Variants in LONRF1 observed in about 807,000 individuals in gnomAD.
LONRF1 encodes the protein LON peptidase N-terminal domain and RING finger protein 1.
LONRF1 carries 37 observed loss-of-function variants against 85.8 expected under a neutral mutation model. That is an observed-to-expected ratio of 0.43 (90% CI 0.33 to 0.57). The LOEUF is 0.57. LONRF1 is among the 20% of genes least tolerant of loss of function. The probability of loss-of-function intolerance (pLI) is 0.04; values close to 1 mark genes in which losing one functional copy is unlikely to be tolerated. For synonymous variants in LONRF1, 517 were observed against 390.1 expected (o/e 1.33, Z -3.83); for missense variants, 1,036 against 978.0 (o/e 1.06, Z -0.79).
chr8:12,752,596 T>C (rs974799791), intron 1 of LONRF1, among the ~76,000 whole-genome samples: 7 of 152,234 alleles, frequency 4.6e-5, no homozygotes, highest in African/African-American at 1.7e-4. Flanking sequence ...AATCCTCATG[T>C]GCAATCTATG....
intron 3 of LONRF1, among the ~76,000 whole-genome samples, chr8:12,739,495 A>G (rs1294022184): frequency 6.6e-6 from 1 of 152,278 alleles, no homozygotes; most frequent in African/African-American, 2.4e-5. Flanking sequence ...ATTTACTGGA[A>G]AGGAGATGAA....
chr8:12,723,471 A>AGGCTCTTATGTG (rs1441656510), intron 11 of LONRF1, among the ~76,000 whole-genome samples: 1 of 152,220 alleles, frequency 6.6e-6, no homozygotes. Context: ...TATGTGGCAG[A>AGGCTCTTATGTG]GCCGAGATTC....
chr8:12,736,611 T>A (rs981756022), intron 6 of LONRF1, 90 bp downstream of exon 6: 1 of 883,628 alleles, frequency 1.1e-6, no homozygotes, highest in African/African-American at 1.8e-5. Context: ...ATTGTGTTAC[T>A]TTACATTGTC....
chr8:12,724,576 T>C (rs770326184), intron 11 of LONRF1, among the ~76,000 whole-genome samples: 1 of 152,144 alleles, frequency 6.6e-6, no homozygotes, highest in South Asian at 2.1e-4. Context: ...TGCTTTTGCT[T>C]TCCTGCCCAA....
At position 12,725,710 on chromosome 8, in the gene LONRF1, C is replaced by G; in HGVS notation, c.2163+17G>C. 3 of 1,594,448 alleles carry G rather than the reference C, an allele frequency of 1.9e-6. No individual in the cohort carries two copies. Among genetic ancestry groups the G allele is most frequent in the East Asian group, 4.5e-5 (2 of 44,484 alleles). ...TATAAAAAAGTGACTTTTGGAAGAA[C>G]AGAAAAGCCACCATACCTGAAGGTT... is the stretch of plus-strand genomic sequence containing the variant. On this transcript the variant is annotated intron_variant, in intron 11 of 11. Transcript: ENST00000398246.
At chr8:12,730,776 ATCTT>A (rs1383148836) in intron 8 of LONRF1, among the ~76,000 whole-genome samples, 2 of 152,174 alleles carry the variant, frequency 1.3e-5, no homozygotes, top group Admixed American at 6.5e-5. Flanking sequence ...AAGAGTGGAA[ATCTT>A]TCTTCTGTGG....
intron 11 of LONRF1, among the ~76,000 whole-genome samples, chr8:12,723,717 C>T (rs1185577632): frequency 1.3e-5 from 2 of 152,246 alleles, no homozygotes; most frequent in African/African-American, 4.8e-5. Context: ...GCCAAATATC[C>T]TGTGGGGGCA....
rs527482681 is a variant in LONRF1, at chr8:12,755,123, G to A, written c.298C>T (p.Arg100Cys). The change falls in exon 1 of 12, where the codon CGC becomes TGC. Residue 100 changes from arginine (R) to cysteine (C), a missense_variant. This residue lies in a region of LONRF1 where 742 missense variants were observed against 614.4 expected (regional missense o/e 1.21). Coordinates refer to ENST00000398246, the MANE Select transcript of LONRF1 (RefSeq NM_152271.5). ...GCCGCGCTCCAGCCCAGCCCGTGGCGGAGCCGGTAGTTGAACACCAGGCAG... is the reference window on the plus strand; with the variant it reads ...GCCGCGCTCCAGCCCAGCCCGTGGCAGAGCCGGTAGTTGAACACCAGGCAG... ...VDCLVFNYRL[R>C]HGLGWSAAPV... 2 of 1,457,360 alleles carry A rather than the reference G, an allele frequency of 1.4e-6. No homozygotes were observed. Among genetic ancestry groups the A allele is most frequent in the African/African-American group, 2.9e-5 (2 of 67,830 alleles). 90.3% of individuals were successfully genotyped at this position (1,457,360 alleles called of 1,614,324 possible).
intron 8 of LONRF1, among the ~76,000 whole-genome samples, chr8:12,730,830 T>C (rs1389223235): frequency 6.6e-6 from 1 of 152,182 alleles, no homozygotes; most frequent in Non-Finnish European, 1.5e-5. Flanking sequence ...TGGGCACATG[T>C]TGATAAAGGA....
At chr8:12,746,514 C>T (rs1399350615) in intron 1 of LONRF1, among the ~76,000 whole-genome samples, 2 of 152,222 alleles carry the variant, frequency 1.3e-5, no homozygotes, top group Non-Finnish European at 2.9e-5. Flanking sequence ...GGGTCTTCCT[C>T]CACAATTTAT....
intron 2 of LONRF1, 97 bp from the exon 3 acceptor site, chr8:12,741,093 C>A (rs759119916): frequency 4.9e-6 from 7 of 1,415,184 alleles, no homozygotes; most frequent in Non-Finnish European, 6.8e-6. Context: ...CTCAGCAGTG[C>A]CGATTCTGGG....
rs1799580315 is a variant in LONRF1 at position 12,754,996 on chromosome 8, T to G, written c.425A>C (p.Tyr142Ser). ...TTCCCTCCGCAGGCAGCGGCGGCAG[T>G]AGCTGTGGCCACAGGGCACGGTCAC... ...EPVTVPCGHSYCRRCLRRELR... is the reference protein window; with the variant it reads ...EPVTVPCGHSSCRRCLRRELR... The change falls in exon 1 of 12, where the codon TAC (tyrosine) becomes TCC (serine). Residue 142 changes from tyrosine (Y) to serine (S), a missense_variant. Around this residue, in one of 3 missense-constraint regions of LONRF1, gnomAD observed 742 missense variants for 614.4 expected, o/e 1.21. Transcript: ENST00000398246. 6.7e-7 allele frequency: 1 copy of G among 1,492,768 alleles called. No homozygotes were observed. The highest frequency in any genetic ancestry group is 8.9e-7 in the Non-Finnish European group (1 of 1,127,958). 92.5% of individuals were successfully genotyped at this position (1,492,768 alleles called of 1,614,324 possible).
chr8:12,747,314 A>G (rs1485747577), intron 1 of LONRF1, among the ~76,000 whole-genome samples: 1 of 152,204 alleles, frequency 6.6e-6, no homozygotes, highest in East Asian at 1.9e-4. Context: ...TGTTCCAATC[A>G]TTAGAGATCC....
chr8:12,747,375 GT>G (rs996993646), intron 1 of LONRF1, among the ~76,000 whole-genome samples: 1 of 152,020 alleles, frequency 6.6e-6, no homozygotes, highest in Non-Finnish European at 1.5e-5. Context: ...CTTCAAGAAA[GT>G]TTTTTTCAAA....
chr8:12,731,929 G>A (rs1412797240), intron 7 of LONRF1, 72 bp from the exon 8 acceptor site: 11 of 1,397,714 alleles, frequency 7.9e-6, no homozygotes, highest in Admixed American at 2.0e-5. Flanking sequence ...ACAGTTAACT[G>A]ATATATTAAA....
intron 2 of LONRF1, among the ~76,000 whole-genome samples, chr8:12,742,553 CTCAT>C (rs1263350257): frequency 1.1e-4 from 16 of 152,180 alleles, no homozygotes; most frequent in Non-Finnish European, 2.1e-4. Context: ...ATTAATAAAT[CTCAT>C]TCAATGAAGT....
chr8:12,723,334 A>C, intron 11 of LONRF1, 80 bp from the exon 12 acceptor site: 1 of 1,347,486 alleles, frequency 7.4e-7, no homozygotes, highest in Non-Finnish European at 1.0e-6. Flanking sequence ...AAAAATTACT[A>C]TTTATTGAGC....
At chr8:12,753,760 G>T (rs1267635379) in intron 1 of LONRF1, 1 of 152,242 alleles carries the variant, frequency 6.6e-6, no homozygotes. Flanking sequence ...AGAAGAAAGT[G>T]CTAACCTAGG....
At chr8:12,726,663 C>G (rs907809843) in intron 10 of LONRF1, among the ~76,000 whole-genome samples, 1 of 152,166 alleles carries the variant, frequency 6.6e-6, no homozygotes, top group African/African-American at 2.4e-5. Flanking sequence ...CACTTACATC[C>G]CACTTGCTAC....
Sources: allele counts gnomAD v4.1 joint callset (sites outside exome capture counted in the v4.1 genomes callset), GRCh38; gene constraint gnomAD v4.1.1; regional missense constraint gnomAD v4.1.1; transcripts MANE v1.5; gene names NCBI Gene and HGNC (gene_info 2026-07-23, HGNC 2026-07-21).